The following PDS5A variants were observed in gnomAD, a reference collection of about 807,000 sequenced individuals.
PDS5A encodes the protein sister chromatid cohesion protein PDS5 homolog A.
A neutral mutation model predicts 167.1 loss-of-function variants in PDS5A; 42 were observed. That is an observed-to-expected ratio of 0.25 (90% CI 0.20 to 0.33). The LOEUF (loss-of-function observed/expected upper bound fraction) is 0.33. Ranked by LOEUF, PDS5A falls within the 10% of genes least tolerant of loss-of-function variation. The pLI is 1.00. For synonymous variants in PDS5A, 553 were observed against 554.6 expected (o/e 1.00, Z 0.04); for missense variants, 1,033 against 1,605.9 (o/e 0.64, Z 6.10).
At chr4:39,931,868 T>A (rs1578768975) in intron 2 of PDS5A, among the ~76,000 whole-genome samples, 1 of 151,384 alleles carries the variant, frequency 6.6e-6, no homozygotes, top group African/African-American at 2.4e-5. Flanking sequence ...TCTTCCACAA[T>A]GACTCTGGAT....
chr4:39,888,883 A>G (rs190591213), intron 17 of PDS5A, among the ~76,000 whole-genome samples: 1 of 152,308 alleles, frequency 6.6e-6, no homozygotes. Flanking sequence ...TTTAATAGCT[A>G]AAGAGAATTT....
intron 11 of PDS5A, among the ~76,000 whole-genome samples, chr4:39,906,552 G>C (rs1723364855): frequency 6.6e-6 from 1 of 150,910 alleles, no homozygotes; most frequent in Admixed American, 6.6e-5. Flanking sequence ...TAAAAACTTA[G>C]AATGAGGATC....
chr4:39,898,539 A>G lies in PDS5A; in HGVS notation c.1631-11T>C, dbSNP rs1441721693. ...GGTCAGGCAAATTCTCTATAAAATTAAAAGAGAATCAATATTAGAGAAGGA... is the reference window on the plus strand; with the variant it reads ...GGTCAGGCAAATTCTCTATAAAATTGAAAGAGAATCAATATTAGAGAAGGA... On this transcript the variant is annotated splice_polypyrimidine_tract_variant and intron_variant, in intron 15 of 32. Coordinates refer to ENST00000303538, the MANE Select transcript of PDS5A (RefSeq NM_001100399.2). The G allele has an allele frequency of 1.3e-6, 2 of 1,503,624 alleles. No individual in the cohort carries two copies. The highest frequency in any genetic ancestry group is 1.7e-4 in the Middle Eastern group (1 of 5,734). The allele number at this position is 1,503,624 out of a possible 1,614,324, so 93.1% of individuals were successfully genotyped here.
intron 2 of PDS5A, chr4:39,932,936 G>A (rs1726219484): frequency 6.6e-6 from 1 of 152,230 alleles, no homozygotes; most frequent in South Asian, 2.1e-4. Context: ...GGGAGGCTGA[G>A]GAGCGTGGAT....
intron 26 of PDS5A, among the ~76,000 whole-genome samples, chr4:39,855,704 T>C (rs1442332922): frequency 6.6e-6 from 1 of 152,078 alleles, no homozygotes; most frequent in Middle Eastern, 3.2e-3. Flanking sequence ...AATTAAAAAT[T>C]CACTCTAGGA....
chr4:39,971,189 C>T (rs751802097), intron 2 of PDS5A, among the ~76,000 whole-genome samples: 2 of 150,222 alleles, frequency 1.3e-5, no homozygotes, highest in African/African-American at 2.5e-5. Flanking sequence ...GACAGAGTCG[C>T]GCTTTGTCAC....
intron 27 of PDS5A, 76 bp downstream of exon 27, chr4:39,849,438 CAAAAAA>C: frequency 1.7e-5 from 8 of 481,292 alleles, no homozygotes; most frequent in South Asian, 4.3e-5. Flanking sequence ...TACGTATGGC[CAAAAAA>C]AAAAAAAAAA....
At chr4:39,958,647 C>T (rs140271807) in intron 2 of PDS5A, among the ~76,000 whole-genome samples, 6 of 150,846 alleles carry the variant, frequency 4.0e-5, no homozygotes, top group African/African-American at 1.5e-4. Flanking sequence ...CAGAGTCTCA[C>T]TCTATCACCT....
chr4:39,903,805 T>G (rs1277199950), intron 12 of PDS5A, among the ~76,000 whole-genome samples: 3 of 152,194 alleles, frequency 2.0e-5, no homozygotes, highest in Non-Finnish European at 4.4e-5. Flanking sequence ...TCATGCCTAT[T>G]TCATATTATA....
intron 26 of PDS5A, among the ~76,000 whole-genome samples, chr4:39,860,328 G>A (rs1237835279): frequency 6.6e-6 from 1 of 151,984 alleles, no homozygotes; most frequent in Non-Finnish European, 1.5e-5. Flanking sequence ...AGCTGGTTGT[G>A]GTGGTACACG....
In PDS5A at chr4:39,863,068, C is replaced by T. The variant is rs375490514; in HGVS notation, c.2772G>A (p.Glu924=). 1.2e-4 allele frequency: 186 copies of T among 1,612,232 alleles called. No homozygotes were observed. The highest frequency in any genetic ancestry group is 1.4e-4 in the Non-Finnish European group (164 of 1,178,706). ...CAAATATCTGCCTTACTTGGTAACA[C>T]TCATCCTACAGCAGCACAGAAAAAC... ...FQLCALVIND[E]CYQVRQIFAQ... Residue 924 remains glutamate (E), a synonymous_variant, in exon 25 of 33, where the codon GAG becomes GAA. Coordinates refer to ENST00000303538, the MANE Select transcript of PDS5A (RefSeq NM_001100399.2).
chr4:39,862,274 G>C lies in PDS5A; in HGVS notation c.3031C>G (p.His1011Asp). The C allele has an allele frequency of 6.5e-7, 1 of 1,541,634 alleles. No homozygotes were observed. The highest frequency in any genetic ancestry group is 8.8e-7 in the Non-Finnish European group (1 of 1,137,242). The change falls in exon 26 of 33, where the codon CAT becomes GAT. Residue 1011 changes from histidine (H) to aspartate (D), a missense_variant. Physicochemically the swap from His to Asp is moderately conservative, Grantham distance 81. Coordinates refer to ENST00000303538, the MANE Select transcript of PDS5A (RefSeq NM_001100399.2). ...VVPYMIHLLA[H>D]DPDFTRSQDV... ...TGTGATCTTGTAAAATCTGGATCAT[G>C]GGCTAGCAGGTGAATCATGTATGGA... is the stretch of plus-strand genomic sequence containing the variant.
At chr4:39,899,058 G>A (rs531532792) in intron 14 of PDS5A, among the ~76,000 whole-genome samples, 104 of 152,086 alleles carry the variant, frequency 6.8e-4, no homozygotes, top group Non-Finnish European at 1.2e-3. Flanking sequence ...TGGGAGGAAG[G>A]TACTTAAAAA....
chr4:39,922,616 A>C lies in PDS5A; in HGVS notation c.654+6T>G, dbSNP rs1255673117. On this transcript the variant is annotated splice_donor_region_variant and intron_variant, in intron 6 of 32. Transcript: ENST00000303538. ...TTAACCTTGAATATCTTCATACTTT[A>C]CAGACCTTATGTGCAGGAATGAGGT... The C allele has an allele frequency of 7.1e-6, 11 of 1,560,258 alleles. No homozygotes were observed. The highest frequency in any genetic ancestry group is 7.8e-6 in the Non-Finnish European group (9 of 1,155,866).
intron 2 of PDS5A, among the ~76,000 whole-genome samples, chr4:39,971,485 A>G (rs1013006737): frequency 6.6e-6 from 1 of 151,228 alleles, no homozygotes; most frequent in African/African-American, 2.4e-5. Context: ...AATGAGACAG[A>G]GTCTCACTCT....
At chr4:39,868,997 C>T (rs554748436) in intron 22 of PDS5A, among the ~76,000 whole-genome samples, 2 of 152,226 alleles carry the variant, frequency 1.3e-5, no homozygotes, top group East Asian at 1.9e-4. Flanking sequence ...CTCTGAGCAC[C>T]GTCATTCTAT....
intron 32 of PDS5A, among the ~76,000 whole-genome samples, chr4:39,828,336 T>A (rs956005646): frequency 3.3e-5 from 5 of 152,242 alleles, no homozygotes; most frequent in African/African-American, 1.2e-4. Context: ...CAGGAGAATT[T>A]TGCATATCTT....
At chr4:39,928,684 G>A (rs898619808) in intron 2 of PDS5A, among the ~76,000 whole-genome samples, 2 of 151,994 alleles carry the variant, frequency 1.3e-5, no homozygotes, top group African/African-American at 4.8e-5. Flanking sequence ...AACCAGCTGG[G>A]TATGGTAGCA....
intron 2 of PDS5A, among the ~76,000 whole-genome samples, chr4:39,961,898 T>A (rs553985375): frequency 6.6e-6 from 1 of 152,338 alleles, no homozygotes; most frequent in Admixed American, 6.5e-5. Context: ...CATATATGGT[T>A]TTTAATAAGC....
Sources: allele counts gnomAD v4.1 joint callset (sites outside exome capture counted in the v4.1 genomes callset), GRCh38; gene constraint gnomAD v4.1.1; transcripts MANE v1.5; gene names NCBI Gene and HGNC (gene_info 2026-07-23, HGNC 2026-07-21).